PINK1: variants seen among roughly 807,000 people sequenced by gnomAD.
The protein encoded by PINK1 is serine/threonine-protein kinase PINK1, mitochondrial.
Under a neutral mutation model 56.0 loss-of-function variants are expected in PINK1, and 58 were observed. The ratio of observed to expected loss-of-function variants is 1.04; its 90% CI spans 0.84 to 1.29. The LOEUF is 1.29. Among genes scored for constraint, PINK1 ranks in the 50% most tolerant of loss-of-function variants. The pLI is 0.00. For synonymous variants in PINK1, 354 were observed against 339.3 expected (o/e 1.04, Z -0.48); for missense variants, 745 against 777.9 (o/e 0.96, Z 0.50).
rs138050841 is a variant in PINK1, at chr1:20,637,894, G to A, written c.440G>A (p.Arg147His). The A allele has an allele frequency of 2.5e-5, 40 of 1,614,216 alleles. No individual in the cohort carries two copies. The highest frequency in any genetic ancestry group is 2.8e-5 in the Non-Finnish European group (33 of 1,180,040). The change falls in exon 2 of 8, where the codon CGC (arginine) becomes CAC (histidine). Residue 147 changes from arginine to histidine, a missense_variant. Arg to His is a conservative substitution (Grantham distance 29). Coordinates refer to ENST00000321556, the MANE Select transcript of PINK1 (RefSeq NM_032409.3). ...KPGPDPLDTR[R>H]LQGFRLEEYL... ...GGGCCTGACCCGTTGGACACGAGAC[G>A]CTTGCAGGGCTTTCGGCTGGAGGAG...
intron 1 of PINK1, among the ~76,000 whole-genome samples, chr1:20,636,155 G>C (rs1464853875): frequency 2.0e-5 from 3 of 151,628 alleles, no homozygotes; most frequent in African/African-American, 7.3e-5. Flanking sequence ...CAACTAGCAG[G>C]AGTGTGCTAG....
chr1:20,649,541 G>T (rs918196209), intron 7 of PINK1: 4 of 351,400 alleles, frequency 1.1e-5, no homozygotes, highest in Admixed American at 8.3e-5. Context: ...GAGGCGGGTG[G>T]ATCACTTGGG....
chr1:20,638,093 C>G lies in PINK1; in HGVS notation c.639C>G (p.Ala213=), dbSNP rs139649940. 1 of 1,613,718 alleles carries G rather than the reference C, an allele frequency of 6.2e-7. No individual in the cohort carries two copies. The highest frequency in any genetic ancestry group is 1.7e-5 in the Admixed American group (1 of 60,024). Residue 213 remains alanine (A), a synonymous_variant, in exon 2 of 8, where the codon GCC becomes GCG. Transcript: ENST00000321556. ...AGGAGCGAGCTCCGGGGGCCCCTGCCTTCCCCTTGGCCATCAAGATGATGT... is the reference window on the plus strand; with the variant it reads ...AGGAGCGAGCTCCGGGGGCCCCTGCGTTCCCCTTGGCCATCAAGATGATGT... The part of the protein sequence containing the change: ...EGQERAPGAP[A]FPLAIKMMWN...
intron 6 of PINK1, 79 bp from the exon 7 acceptor site, chr1:20,648,916 C>T: frequency 6.7e-7 from 1 of 1,483,116 alleles, no homozygotes; most frequent in Non-Finnish European, 9.4e-7. Context: ...CAGATTAGCC[C>T]ATGGATCAGG....
chr1:20,644,020 T>TATGTG (rs1372025187), intron 3 of PINK1, among the ~76,000 whole-genome samples: 25 of 151,234 alleles, frequency 1.7e-4, no homozygotes, highest in Non-Finnish European at 3.0e-5. Flanking sequence ...TAATAAAAGT[T>TATGTG]ATGTGAATGT....
Position 20,644,643 on chromosome 1 carries a change from T to C in PINK1, c.930T>C (p.His310=). ...GCCTCCACCCTGAAGGCCTGGGCCA[T>C]GGCCGGACGCTGTTCCTCGTTATGA... ...PSRLHPEGLG[H]GRTLFLVMKN... is the part of the protein sequence containing the mutation. Residue 310 remains histidine, a synonymous_variant, in exon 4 of 8, where the codon CAT becomes CAC. Transcript: ENST00000321556. 1 of 1,614,240 alleles carries C rather than the reference T, an allele frequency of 6.2e-7. No homozygotes were observed. Among genetic ancestry groups the C allele is most frequent in the South Asian group, 1.1e-5 (1 of 91,084 alleles).
At chr1:20,638,420 C>T (rs2053079987) in intron 2 of PINK1, 1 of 413,016 alleles carries the variant, frequency 2.4e-6, no homozygotes, top group Admixed American at 3.7e-5. Flanking sequence ...CACTTGAGCT[C>T]AGGAGTTTGA....
chr1:20,634,489 T>C (rs1333138884), intron 1 of PINK1, among the ~76,000 whole-genome samples: 1 of 152,238 alleles, frequency 6.6e-6, no homozygotes, highest in Non-Finnish European at 1.5e-5. Flanking sequence ...CCCTGCTGAC[T>C]GGATACACAA....
intron 2 of PINK1, chr1:20,638,408 A>G (rs750148319): frequency 9.2e-6 from 4 of 434,712 alleles, no homozygotes; most frequent in African/African-American, 4.0e-5. Context: ...TGGGAGGCCA[A>G]TCACTTGAGC....
chr1:20,635,199 T>A (rs2053043713), intron 1 of PINK1, among the ~76,000 whole-genome samples: 1 of 152,236 alleles, frequency 6.6e-6, no homozygotes, highest in Non-Finnish European at 1.5e-5. Flanking sequence ...TCAATTAATT[T>A]CACATTAAAA....
In PINK1 at chr1:20,645,614, C is replaced by T. The variant is rs762909782; in HGVS notation, c.1014C>T (p.Leu338=). The T allele has an allele frequency of 2.0e-5, 33 of 1,614,026 alleles. No individual in the cohort carries two copies. The highest frequency in any genetic ancestry group is 1.8e-4 in the East Asian group (8 of 44,890). ...GTGTGAACACACCCAGCCCCCGCCT[C>T]GCCGCCATGATGCTGCTGCAGCTGC... The part of the protein sequence containing the change: ...YLCVNTPSPR[L]AAMMLLQLLE... The change falls in exon 5 of 8, where the codon CTC becomes CTT. Residue 338 remains leucine, a synonymous_variant. Transcript: ENST00000321556.
intron 2 of PINK1, 55 bp downstream of exon 2, chr1:20,638,184 G>T: frequency 6.4e-7 from 1 of 1,572,462 alleles, no homozygotes; most frequent in Non-Finnish European, 8.6e-7. Flanking sequence ...GCCCATCTTA[G>T]TGGGCCTGGT....
rs1381286748 is a variant in PINK1 at position 20,647,260 on chromosome 1, T to C, written c.1124-1245T>C. Among the ~76,000 whole-genome samples, 4 of 151,682 alleles carry C rather than the reference T, an allele frequency of 2.6e-5. No individual in the cohort carries two copies. In the East Asian group the frequency reaches 5.8e-4, roughly 22 times the overall value. ...TTTTAGTACAGACGGGGTTTCACCA[T>C]GTTAGCCAGGATGGTCTCTATCTCC... On this transcript the variant is annotated intron_variant, in intron 5 of 7. Coordinates refer to ENST00000321556, the MANE Select transcript of PINK1 (RefSeq NM_032409.3).
At chr1:20,645,167 A>T (rs186972235) in intron 4 of PINK1, among the ~76,000 whole-genome samples, 1 of 152,324 alleles carries the variant, frequency 6.6e-6, no homozygotes, top group Non-Finnish European at 1.5e-5. Flanking sequence ...GAAGGGGAAG[A>T]GGAACGGCCT....
At chr1:20,646,942 C>G (rs921382773) in intron 5 of PINK1, among the ~76,000 whole-genome samples, 1 of 150,058 alleles carries the variant, frequency 6.7e-6, no homozygotes, top group Non-Finnish European at 1.5e-5. Flanking sequence ...TGCAGTGGCG[C>G]CATCTCAGCT....
At chr1:20,650,198 A>G (rs1180814674) in intron 7 of PINK1, 2 of 591,002 alleles carry the variant, frequency 3.4e-6, no homozygotes, top group African/African-American at 1.9e-5. Flanking sequence ...ACCCAGGGGG[A>G]AAGGCTATTT....
At chr1:20,650,215 T>C (rs2053248459) in intron 7 of PINK1, 1 of 623,076 alleles carries the variant, frequency 1.6e-6, no homozygotes, top group Non-Finnish European at 2.8e-6. Context: ...ATTTCAACAA[T>C]GCATGCTGCC....
At position 20,637,932 on chromosome 1, in the gene PINK1, C is replaced by CA; in HGVS notation, c.479dup (p.Ser161ValfsTer4). 6.2e-7 allele frequency: 1 copy of CA among 1,614,192 alleles called. No individual in the cohort carries two copies. Among genetic ancestry groups the CA allele is most frequent in the Non-Finnish European group, 8.5e-7 (1 of 1,180,038 alleles). On this transcript the variant is annotated frameshift_variant, in exon 2 of 8. Transcript: ENST00000321556. LOFTEE classifies it high-confidence loss of function. ...TCGGCTGGAGGAGTATCTGATAGGG[C>CA]AGTCCATTGGTAAGGGCTGCAGTGC...
chr1:20,633,716 T>A lies in PINK1; in HGVS notation c.168T>A (p.Pro56=). The A allele has an allele frequency of 6.5e-7, 1 of 1,527,606 alleles. No individual in the cohort carries two copies. The highest frequency in any genetic ancestry group is 8.7e-7 in the Non-Finnish European group (1 of 1,143,126). 94.6% of individuals were successfully genotyped at this position (1,527,606 alleles called of 1,614,324 possible). ...GGGCCGCAGGACCGGGCGCGGAGCC[T>A]CGCAGGGTCGGGCTCGGGCTCCCTA... ...PGWAAGPGAE[P]RRVGLGLPNR... Residue 56 remains proline (P), a synonymous_variant, in exon 1 of 8, where the codon CCT becomes CCA. Coordinates refer to ENST00000321556, the MANE Select transcript of PINK1 (RefSeq NM_032409.3).
Sources: gnomAD v4.1 joint callset for allele counts (sites outside exome capture counted in the v4.1 genomes callset) on GRCh38, gnomAD v4.1.1 for gene constraint, MANE v1.5 for transcripts, NCBI Gene and HGNC (gene_info 2026-07-23, HGNC 2026-07-21) for gene names.